The following PTPRT variants were observed in gnomAD, a reference collection of about 807,000 sequenced individuals.
PTPRT encodes receptor-type tyrosine-protein phosphatase T.
In PTPRT, 56 loss-of-function variants were observed where a neutral mutation model predicts 176.8. The ratio of observed to expected loss-of-function variants is 0.32; its 90% confidence interval spans 0.26 to 0.40. The LOEUF is 0.40. Among genes scored for constraint, PTPRT ranks in the 10% least tolerant of loss-of-function variants. The probability of loss-of-function intolerance (pLI) is 1.00; values close to 1 mark genes in which losing one functional copy is unlikely to be tolerated. For synonymous variants in PTPRT, 783 were observed against 739.0 expected, an observed-to-expected ratio of 1.06 and a Z score of -0.96; for missense variants, 1,540 against 1,908.2, an observed-to-expected ratio of 0.81 and a Z score of 3.60.
At chr20:43,020,865 A>ATGC (rs1251366236) in intron 1 of PTPRT, among the ~76,000 whole-genome samples, 4 of 152,130 alleles carry the variant, frequency 2.6e-5, no homozygotes, top group Non-Finnish European at 5.9e-5. Flanking sequence ...ATTAAGGATG[A>ATGC]TGCTGCTGCT....
At chr20:42,886,768 T>A (rs532687076) in intron 1 of PTPRT, among the ~76,000 whole-genome samples, 1 of 152,254 alleles carries the variant, frequency 6.6e-6, no homozygotes, top group East Asian at 1.9e-4. Context: ...AGATGTGGGG[T>A]GTACAATGGA....
intron 2 of PTPRT, among the ~76,000 whole-genome samples, chr20:42,803,200 G>C (rs143757524): frequency 7.0e-4 from 107 of 152,338 alleles, no homozygotes; most frequent in African/African-American, 2.5e-3. Context: ...ATCTCTCTTT[G>C]CCAGTGGTTC....
chr20:42,784,262 G>A (rs547350023), intron 3 of PTPRT, among the ~76,000 whole-genome samples: 4 of 152,292 alleles, frequency 2.6e-5, no homozygotes, highest in Admixed American at 1.3e-4. Context: ...GTCAGGCCAT[G>A]GTTTAACAGA....
chr20:42,527,484 C>T (rs62205783), intron 7 of PTPRT, among the ~76,000 whole-genome samples: 71,004 of 152,082 alleles, frequency 0.47, 19,141 homozygotes, highest in East Asian at 0.6. Flanking sequence ...AATGTACACA[C>T]TGCAACCTGC....
chr20:43,041,804 A>C (rs1986617938), intron 1 of PTPRT, among the ~76,000 whole-genome samples: 1 of 152,172 alleles, frequency 6.6e-6, no homozygotes, highest in Admixed American at 6.5e-5. Flanking sequence ...AGCTAAGCTT[A>C]TTTGTTTATG....
chr20:42,695,970 C>G (rs4812627), intron 6 of PTPRT, among the ~76,000 whole-genome samples: 55,154 of 151,624 alleles, frequency 0.36, 10,968 homozygotes, highest in African/African-American at 0.53. Context: ...TCATGGCCTT[C>G]AGTAACCCTA....
chr20:42,677,799 G>A (rs1411480105), intron 7 of PTPRT, 67 bp downstream of exon 7: 4 of 1,526,846 alleles, frequency 2.6e-6, no homozygotes, highest in Non-Finnish European at 2.7e-6. Context: ...AGGAAGGCAA[G>A]AGGAAAGCCA....
At chr20:42,498,769 A>G (rs2071697855) in intron 7 of PTPRT, among the ~76,000 whole-genome samples, 1 of 152,100 alleles carries the variant, frequency 6.6e-6, no homozygotes, top group Admixed American at 6.6e-5. Context: ...ACTCTTCAGG[A>G]AGAGCTTAAT....
chr20:43,158,981 A>G (rs976173839), intron 1 of PTPRT, among the ~76,000 whole-genome samples: 1 of 152,210 alleles, frequency 6.6e-6, no homozygotes, highest in Non-Finnish European at 1.5e-5. Context: ...TTTTGTTGCC[A>G]TTATTATTAG....
chr20:42,144,120 A>T (rs556829198), intron 17 of PTPRT, among the ~76,000 whole-genome samples: 1 of 152,160 alleles, frequency 6.6e-6, no homozygotes, highest in African/African-American at 2.4e-5. Context: ...GGATGTGTGC[A>T]GGGCACCATC....
At chr20:43,130,068 A>G (rs2013597021) in intron 1 of PTPRT, among the ~76,000 whole-genome samples, 1 of 152,258 alleles carries the variant, frequency 6.6e-6, no homozygotes, top group Non-Finnish European at 1.5e-5. Context: ...GGGTAAGAGC[A>G]GGAAGAAAAA....
chr20:42,366,522 G>A (rs1472164020), intron 9 of PTPRT, among the ~76,000 whole-genome samples: 1 of 152,172 alleles, frequency 6.6e-6, no homozygotes, highest in Non-Finnish European at 1.5e-5. Flanking sequence ...TGACCACTCT[G>A]CCCTCTCTGT....
At chr20:42,505,870 A>T (rs2071834931) in intron 7 of PTPRT, among the ~76,000 whole-genome samples, 1 of 152,168 alleles carries the variant, frequency 6.6e-6, no homozygotes, top group East Asian at 1.9e-4. Context: ...ACTGCTTTTC[A>T]TTGGAATTGG....
chr20:42,304,330 T>G (rs2057513786), intron 12 of PTPRT, among the ~76,000 whole-genome samples: 1 of 152,180 alleles, frequency 6.6e-6, no homozygotes, highest in African/African-American at 2.4e-5. Context: ...TTCTGCTTGT[T>G]CTTTCCTGAG....
At chr20:42,248,238 G>A (rs1006193899) in intron 14 of PTPRT, among the ~76,000 whole-genome samples, 1 of 152,130 alleles carries the variant, frequency 6.6e-6, no homozygotes, top group African/African-American at 2.4e-5. Flanking sequence ...GGCAGCCTGG[G>A]ATGCTATTAT....
intron 13 of PTPRT, among the ~76,000 whole-genome samples, chr20:42,266,076 G>T (rs1231776375): frequency 6.6e-6 from 1 of 152,230 alleles, no homozygotes; most frequent in African/African-American, 2.4e-5. Context: ...GAGCTGGGTT[G>T]AGAGTGCATC....
At chr20:42,634,068 T>TA (rs1283855434) in intron 7 of PTPRT, among the ~76,000 whole-genome samples, 2 of 35,300 alleles carry the variant, frequency 5.7e-5, no homozygotes, top group Admixed American at 4.9e-4. Flanking sequence ...ATATATAATA[T>TA]ATATATAATA....
intron 6 of PTPRT, among the ~76,000 whole-genome samples, chr20:42,724,109 G>A (rs2076342774): frequency 1.3e-5 from 2 of 152,218 alleles, no homozygotes; most frequent in African/African-American, 4.8e-5. Context: ...CACCCACTGT[G>A]TGTTCTGTCC....
intron 9 of PTPRT, among the ~76,000 whole-genome samples, chr20:42,363,270 T>TTTTATATATATATATATATATA (rs1312740759): frequency 1.6e-4 from 5 of 30,382 alleles, no homozygotes; most frequent in African/African-American, 6.8e-4. Context: ...TTTATTACAA[T>TTTTATATATATATATATATATA]TATATATATA....
Sources: gnomAD v4.1 joint callset for allele counts (sites outside exome capture counted in the v4.1 genomes callset) on GRCh38, gnomAD v4.1.1 for gene constraint, MANE v1.5 for transcripts, NCBI Gene and HGNC (gene_info 2026-07-23, HGNC 2026-07-21) for gene names.